Variants in MTA3 observed in about 807,000 individuals in gnomAD.
MTA3 encodes the protein metastasis-associated protein MTA3.
In MTA3, 34 loss-of-function variants were observed where a neutral mutation model predicts 83.5. The observed-to-expected ratio is 0.41, with a 90% CI of 0.31 to 0.54. The LOEUF (loss-of-function observed/expected upper bound fraction) is 0.54. Ranked by LOEUF, MTA3 falls within the 20% of genes least tolerant of loss-of-function variation. The pLI is 0.33. For synonymous variants in MTA3, 303 were observed against 252.7 expected, an observed-to-expected ratio of 1.20 and a Z score of -1.89; for missense variants, 761 against 726.4, an observed-to-expected ratio of 1.05 and a Z score of -0.55.
intron 15 of MTA3, among the ~76,000 whole-genome samples, chr2:42,722,547 T>C (rs1667495771): frequency 6.6e-6 from 1 of 152,202 alleles, no homozygotes; most frequent in Non-Finnish European, 1.5e-5. Context: ...CCTCTCCAGA[T>C]AGCCTTTTGA....
chr2:42,653,315 T>A (rs1688881180), intron 6 of MTA3, among the ~76,000 whole-genome samples: 1 of 152,186 alleles, frequency 6.6e-6, no homozygotes, highest in African/African-American at 2.4e-5. Context: ...GAGATTATTA[T>A]AAAGACTGGA....
chr2:42,508,300 C>T (rs1471507835), intron 2 of MTA3, among the ~76,000 whole-genome samples: 1 of 152,124 alleles, frequency 6.6e-6, no homozygotes. Context: ...ATCTCCAGCA[C>T]CAAAAGTGAA....
At chr2:42,666,987 A>G (rs2104393988) in intron 8 of MTA3, among the ~76,000 whole-genome samples, 1 of 152,238 alleles carries the variant, frequency 6.6e-6, no homozygotes, top group East Asian at 1.9e-4. Flanking sequence ...TTGAATTCTA[A>G]TTTTATTATA....
intron 6 of MTA3, among the ~76,000 whole-genome samples, chr2:42,652,677 C>G (rs1170224367): frequency 1.3e-5 from 2 of 152,060 alleles, no homozygotes; most frequent in African/African-American, 4.8e-5. Context: ...ATCATCTGAT[C>G]TTCTTTTGAA....
chr2:42,546,348 A>C (rs977515358), intron 2 of MTA3, among the ~76,000 whole-genome samples: 1 of 152,032 alleles, frequency 6.6e-6, no homozygotes, highest in Non-Finnish European at 1.5e-5. Flanking sequence ...GGATGCTGGC[A>C]ATCTCGGTTC....
At chr2:42,642,644 G>GT (rs1198386196) in intron 5 of MTA3, among the ~76,000 whole-genome samples, 3,218 of 135,730 alleles carry the variant, frequency 0.024, 75 homozygotes, top group African/African-American at 0.054. Flanking sequence ...TGTTAAGTTG[G>GT]TTTTTTTTTT....
chr2:42,756,916 A>T lies in MTA3; in HGVS notation c.*3517A>T, dbSNP rs1391836864. On this transcript the variant is annotated 3_prime_UTR_variant, in exon 17 of 17. Transcript: ENST00000405094. ...AGATGCCATCTACTAACCAATTTGT[A>T]TTGTGTTTCCAATAAATTCCTGGAA... 2 of 985,266 alleles carry T rather than the reference A, an allele frequency of 2.0e-6. No homozygotes were observed. Among genetic ancestry groups the T allele is most frequent in the Non-Finnish European group, 2.4e-6 (2 of 829,964 alleles). 61.0% of individuals were successfully genotyped at this position (985,266 alleles called of 1,614,324 possible).
At chr2:42,642,793 TGCCACCACACCC>T (rs1336841149) in intron 5 of MTA3, among the ~76,000 whole-genome samples, 21 of 10,518 alleles carry the variant, frequency 2.0e-3, no homozygotes, top group African/African-American at 3.9e-3. Flanking sequence ...TACAGGTGCC[TGCCACCACACCC>T]GGCTGATTTT....
At chr2:42,549,647 TAA>T (rs1378331432) in intron 2 of MTA3, among the ~76,000 whole-genome samples, 5 of 125,200 alleles carry the variant, frequency 4.0e-5, no homozygotes, top group African/African-American at 1.6e-4. Context: ...ATATAATATA[TAA>T]TATATTATAT....
At chr2:42,619,841 C>T (rs753867501) in intron 4 of MTA3, among the ~76,000 whole-genome samples, 6 of 152,146 alleles carry the variant, frequency 3.9e-5, no homozygotes, top group South Asian at 2.1e-4. Context: ...CTCCTGGTGC[C>T]GTAGCACAAA....
At chr2:42,496,325 G>A (rs761848878) in intron 2 of MTA3, among the ~76,000 whole-genome samples, 6 of 152,132 alleles carry the variant, frequency 3.9e-5, no homozygotes, top group Non-Finnish European at 7.3e-5. Flanking sequence ...ATCAACCACT[G>A]CTGCAGCAGC....
At chr2:42,667,431 T>C (rs1013404347) in intron 8 of MTA3, among the ~76,000 whole-genome samples, 1 of 152,126 alleles carries the variant, frequency 6.6e-6, no homozygotes, top group African/African-American at 2.4e-5. Flanking sequence ...CTCTAGCCAC[T>C]ACCCTTCTAC....
chr2:42,594,699 A>AAT (rs1681490940), intron 3 of MTA3, among the ~76,000 whole-genome samples: 2 of 74,546 alleles, frequency 2.7e-5, no homozygotes, highest in African/African-American at 5.8e-5. Flanking sequence ...TACATATATA[A>AAT]ATATACATAT....
intron 16 of MTA3, among the ~76,000 whole-genome samples, chr2:42,727,125 G>T (rs1260640495): frequency 1.3e-5 from 2 of 152,212 alleles, no homozygotes; most frequent in Non-Finnish European, 2.9e-5. Context: ...TTGAGCCCAG[G>T]AGGTTGAGAC....
chr2:42,755,805 ACTGT>A lies in MTA3; in HGVS notation c.*2410_*2413del, dbSNP rs1442985329. 2.0e-6 allele frequency: 2 copies of A among 985,326 alleles called. No homozygotes were observed. The highest frequency in any genetic ancestry group is 3.5e-5 in the African/African-American group (2 of 57,226). 61.0% of individuals were successfully genotyped at this position (985,326 alleles called of 1,614,324 possible). ...TGAGCACATGGGTGGACGTGCAGAG[ACTGT>A]CTGCGCAGCCCCCAGCAGACATGCC... On this transcript the variant is annotated 3_prime_UTR_variant, in exon 17 of 17. Coordinates refer to ENST00000405094, the MANE Select transcript of MTA3 (RefSeq NM_001330442.2).
intron 8 of MTA3, among the ~76,000 whole-genome samples, chr2:42,676,420 G>A (rs1476392802): frequency 6.6e-6 from 1 of 152,182 alleles, no homozygotes; most frequent in Non-Finnish European, 1.5e-5. Flanking sequence ...AGCATCAGCT[G>A]AGAAAAATGC....
chr2:42,657,044 T>A (rs943281522), intron 7 of MTA3, among the ~76,000 whole-genome samples: 10 of 152,218 alleles, frequency 6.6e-5, no homozygotes, highest in African/African-American at 2.4e-4. Flanking sequence ...AGTGGATTTT[T>A]AAATACATTA....
intron 4 of MTA3, among the ~76,000 whole-genome samples, chr2:42,624,564 G>A (rs567349625): frequency 2.0e-5 from 3 of 152,134 alleles, no homozygotes; most frequent in African/African-American, 7.2e-5. Context: ...CTGACGTTGT[G>A]ATCCACCTGC....
At chr2:42,523,070 C>T (rs1675497715) in intron 2 of MTA3, among the ~76,000 whole-genome samples, 1 of 152,108 alleles carries the variant, frequency 6.6e-6, no homozygotes, top group Non-Finnish European at 1.5e-5. Flanking sequence ...TCAGGCCTCC[C>T]AGAGTGCTAG....
Sources: allele counts gnomAD v4.1 joint callset (sites outside exome capture counted in the v4.1 genomes callset), GRCh38; gene constraint gnomAD v4.1.1; transcripts MANE v1.5; gene names NCBI Gene and HGNC (gene_info 2026-07-23, HGNC 2026-07-21).